The following RAB37 variants were observed in gnomAD, a reference collection of about 807,000 sequenced individuals.
RAB37 encodes ras-related protein Rab-37.
A neutral mutation model predicts 33.1 loss-of-function variants in RAB37; 29 were observed. That is an observed-to-expected ratio of 0.88 (90% confidence interval 0.65 to 1.20). The LOEUF is 1.20. RAB37 is among the 50% of genes most tolerant of loss of function. The pLI is 0.00. For synonymous variants in RAB37, 128 were observed against 119.5 expected (o/e 1.07, Z -0.47); for missense variants, 299 against 301.1 (o/e 0.99, Z 0.05).
chr17:74,675,635 C>G (rs1598175748), intron 1 of RAB37, among the ~76,000 whole-genome samples: 1 of 152,190 alleles, frequency 6.6e-6, no homozygotes, highest in East Asian at 1.9e-4. Context: ...CCCATCTATA[C>G]AAAAAGCGTG....
In RAB37 at chr17:74,740,851, C is replaced by T. The variant is rs550281981; in HGVS notation, c.177C>T (p.Phe59=). The change falls in exon 2 of 9, where the codon TTC becomes TTT. Residue 59 remains phenylalanine, a synonymous_variant. Transcript: ENST00000392613. ...ACGGGGCCTTCCTGTCCGGAACCTT[C>T]ATAGCCACCGTCGGCATAGACTTCA... ...FKDGAFLSGT[F]IATVGIDFRN... is the part of the protein sequence containing the mutation. The T allele has an allele frequency of 9.9e-6, 16 of 1,613,902 alleles. 1 individual carries two copies. In the African/African-American group the frequency reaches 1.3e-4, roughly 13 times the overall value.
At chr17:74,718,959 A>G (rs2034204071) in intron 1 of RAB37, among the ~76,000 whole-genome samples, 1 of 152,194 alleles carries the variant, frequency 6.6e-6, no homozygotes, top group African/African-American at 2.4e-5. Context: ...AAAGTATGGC[A>G]GTGGAGGGTG....
chr17:74,688,013 G>A (rs1386393759), intron 1 of RAB37, among the ~76,000 whole-genome samples: 2 of 152,188 alleles, frequency 1.3e-5, no homozygotes, highest in Non-Finnish European at 2.9e-5. Flanking sequence ...ACAATGGATT[G>A]TTGAATAGAA....
intron 1 of RAB37, chr17:74,695,271 C>G (rs1413164982): frequency 1.9e-6 from 3 of 1,613,294 alleles, no homozygotes; most frequent in Admixed American, 1.7e-5. Flanking sequence ...AGGCGGGCTC[C>G]AGGTCAGAGA....
At chr17:74,692,994 C>T (rs1019449315) in intron 1 of RAB37, among the ~76,000 whole-genome samples, 11 of 152,192 alleles carry the variant, frequency 7.2e-5, no homozygotes, top group Non-Finnish European at 1.5e-4. Context: ...TAAGGCACCA[C>T]ACAGCCTAGT....
chr17:74,688,053 A>G (rs977366241), intron 1 of RAB37, among the ~76,000 whole-genome samples: 22 of 152,132 alleles, frequency 1.4e-4, no homozygotes, highest in African/African-American at 5.3e-4. Context: ...CACTTAACCA[A>G]CTTATTAGGT....
chr17:74,712,180 G>C (rs1029579963), intron 1 of RAB37, among the ~76,000 whole-genome samples: 2 of 151,908 alleles, frequency 1.3e-5, no homozygotes, highest in East Asian at 3.9e-4. Flanking sequence ...GGGATTACAG[G>C]AATGAGCCTC....
upstream of RAB37, among the ~76,000 whole-genome samples, chr17:74,735,018 G>GAAGGAAGGAAGGAAGGAAGGAAGAAAGA (rs1207905817): frequency 2.4e-5 from 2 of 82,260 alleles, no homozygotes; most frequent in African/African-American, 8.8e-5. Flanking sequence ...AGGAAGGAAG[G>GAAGGAAGGAAGGAAGGAAGGAAGAAAGA]AAGAAAGAAA....
intron 1 of RAB37, among the ~76,000 whole-genome samples, chr17:74,705,547 T>A (rs779373849): frequency 2.0e-5 from 3 of 152,204 alleles, no homozygotes; most frequent in Non-Finnish European, 4.4e-5. Flanking sequence ...AAGCAGGTAT[T>A]ATAGACAGTA....
chr17:74,692,555 G>A lies in RAB37; in HGVS notation c.72+20897G>A, dbSNP rs183850566. On this transcript the variant is annotated intron_variant, in intron 1 of 7. Transcript: ENST00000340415. The stretch of plus-strand genomic sequence containing the variant: ...ACAGCCTCCTACCTGCTGGGTCACC[G>A]GCCTGTGGTGCTCAGGGATAGCTCG... Among the ~76,000 whole-genome samples, 15 of 152,120 alleles carry A rather than the reference G, an allele frequency of 9.9e-5. No individual in the cohort carries two copies. In the South Asian group the frequency reaches 1.0e-3, roughly 11 times the overall value.
At chr17:74,735,061 G>GAAAGAAAGAAAGAAAGAA (rs1555594315), upstream of RAB37, among the ~76,000 whole-genome samples, 2 of 105,624 alleles carry the variant, frequency 1.9e-5, no homozygotes, top group Admixed American at 9.2e-5. Flanking sequence ...AAGAAAGAAA[G>GAAAGAAAGAAAGAAAGAA]AGAAAGAAAG....
In RAB37 at chr17:74,738,466, T is replaced by A. The variant is rs1185077284; in HGVS notation, c.93+1101T>A. On this transcript the variant is annotated intron_variant, in intron 1 of 8. Coordinates refer to ENST00000392613, the MANE Select transcript of RAB37 (RefSeq NM_001006638.3). This position sits in a 1 kb window ranked among gnomAD's most constrained non-coding sequence, Gnocchi z 5.0. ...CCAGGCTGAGGGGGACTGCCTGACC[T>A]TGTTGCCCTGCAAACCAGCTGGGTT... 6.6e-6 allele frequency among the ~76,000 whole-genome samples: 1 copy of A among 152,176 alleles called. No individual in the cohort carries two copies. Among genetic ancestry groups the A allele is most frequent in the East Asian group, 1.9e-4 (1 of 5,188 alleles).
rs142805548 is a variant in RAB37, at chr17:74,715,988, A to G, written c.73-13268A>G. Among the ~76,000 whole-genome samples, 547 of 152,260 alleles carry G rather than the reference A, an allele frequency of 3.6e-3. 3 individuals carry two copies. Among genetic ancestry groups the G allele is most frequent in the East Asian group, 0.021 (108 of 5,188 alleles). ...GAGGTTGCAGTAAGCCGAGGTCACA[A>G]CACTGCACTCCTCCAGCCTGGGTAA... On this transcript the variant is annotated intron_variant, in intron 1 of 7. Coordinates refer to the RAB37 transcript ENST00000340415.
In RAB37 at chr17:74,730,107, G is replaced by A. The variant is rs1043924310; in HGVS notation, c.183+741G>A. On this transcript the variant is annotated intron_variant, in intron 2 of 7. Transcript: ENST00000340415. The surrounding 1 kb of genome is among the most constrained non-coding windows in gnomAD (Gnocchi z 4.4). ...TCTCCCCGCGTTGTCCCGTGCCTGC[G>A]GCTGCAGCTGCCCTTGAATTCCTGG... Among the ~76,000 whole-genome samples, 28 of 152,154 alleles carry A rather than the reference G, an allele frequency of 1.8e-4. No homozygotes were observed. Among genetic ancestry groups the A allele is most frequent in the African/African-American group, 5.3e-4 (22 of 41,442 alleles).
At position 74,744,872 on chromosome 17, in the gene RAB37, G is replaced by A. The variant is rs781161544; in HGVS notation, c.433-1G>A. 6.2e-7 allele frequency: 1 copy of A among 1,614,274 alleles called. No individual in the cohort carries two copies. The highest frequency in any genetic ancestry group is 8.5e-7 in the Non-Finnish European group (1 of 1,180,048). ...CAGAGTGACCCATTTGGGCTTGACAGGCGGATATGAGCAGCGAAAGAGTGA... is the reference window on the plus strand; with the variant it reads ...CAGAGTGACCCATTTGGGCTTGACAAGCGGATATGAGCAGCGAAAGAGTGA... On this transcript the variant is annotated splice_acceptor_variant, in intron 6 of 8. Coordinates refer to ENST00000392613, the MANE Select transcript of RAB37 (RefSeq NM_001006638.3). LOFTEE classifies it high-confidence loss of function. The surrounding 1 kb of genome is among the most constrained non-coding windows in gnomAD (Gnocchi z 4.2).
At chr17:74,706,494 G>A (rs2033530807) in intron 1 of RAB37, among the ~76,000 whole-genome samples, 1 of 151,702 alleles carries the variant, frequency 6.6e-6, no homozygotes, top group East Asian at 1.9e-4. Context: ...ATGGAGAAAC[G>A]CCATCTCTAC....
chr17:74,677,674 A>C (rs974106188), intron 1 of RAB37: 1 of 152,240 alleles, frequency 6.6e-6, no homozygotes, highest in Non-Finnish European at 1.5e-5. Flanking sequence ...TGTATATTAC[A>C]TCACTGGCAA....
At chr17:74,705,413 T>C (rs2033427454) in intron 1 of RAB37, 4 of 539,562 alleles carry the variant, frequency 7.4e-6, no homozygotes, top group Non-Finnish European at 1.3e-5. Context: ...CCACTTTCTT[T>C]AATGAATTGC....
At position 74,730,828 on chromosome 17, in the gene RAB37, A is replaced by G. The variant is rs561102817; in HGVS notation, c.183+1462A>G. ...ACATGCAAAGTCTGACTCACGTTCC[A>G]CAGACCACAGAGGTGAGATCTCCAA... On this transcript the variant is annotated intron_variant, in intron 2 of 7. Transcript: ENST00000340415. The surrounding 1 kb of genome is among the most constrained non-coding windows in gnomAD (Gnocchi z 4.4). Among the ~76,000 whole-genome samples, 84 of 152,346 alleles carry G rather than the reference A, an allele frequency of 5.5e-4. No homozygotes were observed. The highest frequency in any genetic ancestry group is 1.9e-3 in the African/African-American group (79 of 41,584).
Sources: allele counts gnomAD v4.1 joint callset (sites outside exome capture counted in the v4.1 genomes callset), GRCh38; gene constraint gnomAD v4.1.1; non-coding constraint Gnocchi (gnomAD v3.1); transcripts MANE v1.5; gene names NCBI Gene and HGNC (gene_info 2026-07-23, HGNC 2026-07-21).